Variants in PXDNL observed in about 807,000 individuals in gnomAD.
PXDNL encodes peroxidasin like.
A neutral mutation model predicts 150.8 loss-of-function variants in PXDNL; 145 were observed. The ratio of observed to expected loss-of-function variants is 0.96; its 90% CI spans 0.84 to 1.10. PXDNL has a LOEUF of 1.10. Ranked by LOEUF, PXDNL falls within the 50% of genes least tolerant of loss-of-function variation. The pLI is 0.00. For synonymous variants in PXDNL, 757 were observed against 725.7 expected, an observed-to-expected ratio of 1.04 and a Z score of -0.69; for missense variants, 2,087 against 1,873.9, an observed-to-expected ratio of 1.11 and a Z score of -2.10.
intron 2 of PXDNL, among the ~76,000 whole-genome samples, chr8:51,641,205 C>A (rs1814745921): frequency 7.2e-6 from 1 of 139,604 alleles, no homozygotes; most frequent in African/African-American, 2.8e-5. Flanking sequence ...AAAATTAATT[C>A]AAGATGGATT....
chr8:51,455,900 T>A lies in PXDNL; in HGVS notation c.982+1598A>T, dbSNP rs185184445. On this transcript the variant is annotated intron_variant, in intron 9 of 22. Coordinates refer to ENST00000356297, the MANE Select transcript of PXDNL (RefSeq NM_144651.5). Reference sequence around the variant, plus strand: ...GAGTGAGACCTTGTCTCTACAAACATTTTTTTAAATAAATTACTTGGAAAC... The same window carrying A: ...GAGTGAGACCTTGTCTCTACAAACAATTTTTTAAATAAATTACTTGGAAAC... 2.6e-3 allele frequency among the ~76,000 whole-genome samples: 393 copies of A among 152,232 alleles called. 2 individuals carry two copies. The highest frequency in any genetic ancestry group is 8.7e-3 in the African/African-American group (363 of 41,530).
intron 12 of PXDNL, chr8:51,436,167 C>A (rs1216487037): frequency 3.9e-6 from 2 of 517,252 alleles, no homozygotes; most frequent in Admixed American, 4.1e-5. Context: ...TAATTCAGAT[C>A]TTTAGTACAC....
intron 8 of PXDNL, among the ~76,000 whole-genome samples, chr8:51,463,286 C>A (rs1368583024): frequency 6.6e-6 from 1 of 152,112 alleles, no homozygotes; most frequent in African/African-American, 2.4e-5. Flanking sequence ...CAATATTAAC[C>A]TTGAATGTAA....
intron 4 of PXDNL, among the ~76,000 whole-genome samples, chr8:51,551,993 A>G (rs1227708296): frequency 6.6e-6 from 1 of 152,170 alleles, no homozygotes; most frequent in African/African-American, 2.4e-5. Context: ...AATGCAAGTA[A>G]TCCCATCAAA....
At chr8:51,468,922 T>G (rs1296484940) in intron 8 of PXDNL, among the ~76,000 whole-genome samples, 1 of 152,046 alleles carries the variant, frequency 6.6e-6, no homozygotes, top group Non-Finnish European at 1.5e-5. Flanking sequence ...CTTAATAATC[T>G]AAGTGTATTC....
intron 21 of PXDNL, among the ~76,000 whole-genome samples, chr8:51,337,816 C>T (rs1189678352): frequency 1.3e-5 from 2 of 150,422 alleles, no homozygotes; most frequent in Admixed American, 6.7e-5. Context: ...GAGGTTGCAG[C>T]GAGCTGGGAT....
intron 21 of PXDNL, among the ~76,000 whole-genome samples, chr8:51,329,102 C>T (rs1246037455): frequency 6.6e-6 from 1 of 152,150 alleles, no homozygotes; most frequent in Non-Finnish European, 1.5e-5. Flanking sequence ...GAAAAGGCCA[C>T]AGTACTGGAG....
At position 51,756,370 on chromosome 8, in the gene PXDNL, T is replaced by A. The variant is rs1230496308; in HGVS notation, c.164+52811A>T. Among the ~76,000 whole-genome samples the A allele has an allele frequency of 2.8e-5, 4 of 141,246 alleles. No individual in the cohort carries two copies. In the Admixed American group the frequency reaches 3.0e-4, roughly 11 times the overall value. The allele number at this position is 141,246 out of a possible 152,430, so 92.7% of individuals were successfully genotyped here. On this transcript the variant is annotated intron_variant, in intron 1 of 22. Transcript: ENST00000356297. ...TAGCATGATTGCACTACAGACTGGG[T>A]GACACAGTGAGACCCCATCACAGAA...
In PXDNL at chr8:51,605,958, C is replaced by T. The variant is rs147660105; in HGVS notation, c.237-13260G>A. Among the ~76,000 whole-genome samples, 1,087 of 152,296 alleles carry T rather than the reference C, an allele frequency of 7.1e-3. 8 individuals are homozygous for T. Among genetic ancestry groups the T allele is most frequent in the South Asian group, 0.026 (125 of 4,824 alleles). ...TTACGAGGCAGCAAGAAAGCCCTCA[C>T]GAGATGCTAGTGCCATGCACTCGGA... On this transcript the variant is annotated intron_variant, in intron 2 of 22. Transcript: ENST00000356297.
intron 1 of PXDNL, among the ~76,000 whole-genome samples, chr8:51,793,163 C>A (rs1161770058): frequency 6.6e-6 from 1 of 152,228 alleles, no homozygotes; most frequent in African/African-American, 2.4e-5. Context: ...GTAACCTCCA[C>A]TGATGACACT....
chr8:51,531,800 T>C (rs1281513700), intron 4 of PXDNL, among the ~76,000 whole-genome samples: 2 of 152,350 alleles, frequency 1.3e-5, no homozygotes, highest in South Asian at 4.1e-4. Context: ...AAAGAAAGGA[T>C]GTGGATTGTC....
At chr8:51,507,581 T>G (rs1811320867) in intron 4 of PXDNL, among the ~76,000 whole-genome samples, 1 of 152,160 alleles carries the variant, frequency 6.6e-6, no homozygotes, top group Non-Finnish European at 1.5e-5. Flanking sequence ...CTAAGTGAAA[T>G]TTTTATTTTA....
At chr8:51,360,682 A>T (rs1806705967) in intron 19 of PXDNL, among the ~76,000 whole-genome samples, 1 of 152,232 alleles carries the variant, frequency 6.6e-6, no homozygotes, top group Non-Finnish European at 1.5e-5. Context: ...GTGAACTGTA[A>T]CCTAACTGGA....
intron 14 of PXDNL, among the ~76,000 whole-genome samples, chr8:51,416,813 A>G (rs1283258016): frequency 6.6e-6 from 1 of 152,226 alleles, no homozygotes; most frequent in East Asian, 1.9e-4. Context: ...AACTACACAA[A>G]TAGAAAACAC....
intron 15 of PXDNL, among the ~76,000 whole-genome samples, chr8:51,411,865 T>C (rs1389510964): frequency 1.3e-5 from 2 of 152,154 alleles, no homozygotes; most frequent in East Asian, 3.9e-4. Flanking sequence ...ACTCTCCCTG[T>C]AGAGTTTCAC....
At chr8:51,446,893 A>C (rs1809688905) in intron 12 of PXDNL, 111 bp downstream of exon 12, 2 of 705,792 alleles carry the variant, frequency 2.8e-6, no homozygotes, top group Non-Finnish European at 4.3e-6. Context: ...AGATCATATG[A>C]CTATATATAT....
rs552971933 is a variant in PXDNL at position 51,709,759 on chromosome 8, T to A, written c.165-54999A>T. On this transcript the variant is annotated intron_variant, in intron 1 of 22. Coordinates refer to ENST00000356297, the MANE Select transcript of PXDNL (RefSeq NM_144651.5). ...GGATATCCATGTACTTAACTACATA[T>A]GTATATATGTATGTACCAACATCAT... Among the ~76,000 whole-genome samples the A allele has an allele frequency of 2.0e-5, 3 of 152,360 alleles. No individual in the cohort carries two copies. In the South Asian group the frequency reaches 6.2e-4, roughly 32 times the overall value.
intron 2 of PXDNL, among the ~76,000 whole-genome samples, chr8:51,597,909 T>G (rs552319094): frequency 2.0e-5 from 3 of 152,230 alleles, no homozygotes; most frequent in African/African-American, 7.2e-5. Flanking sequence ...AGAAGGGATT[T>G]CTCCATGTTG....
At chr8:51,465,771 C>T (rs1261042128) in intron 8 of PXDNL, among the ~76,000 whole-genome samples, 1 of 151,984 alleles carries the variant, frequency 6.6e-6, no homozygotes, top group Non-Finnish European at 1.5e-5. Flanking sequence ...AGCTGAGAGC[C>T]ACATCAAATA....
Sources: gnomAD v4.1 joint callset for allele counts (sites outside exome capture counted in the v4.1 genomes callset) on GRCh38, gnomAD v4.1.1 for gene constraint, MANE v1.5 for transcripts, NCBI Gene and HGNC (gene_info 2026-07-23, HGNC 2026-07-21) for gene names.